The following FOXN3 variants were observed in gnomAD, a reference collection of about 807,000 sequenced individuals.
FOXN3 encodes the protein forkhead box protein N3.
In FOXN3, 7 loss-of-function variants were observed where a neutral mutation model predicts 38.4. That is an observed-to-expected ratio of 0.18 (90% CI 0.10 to 0.34). The LOEUF (loss-of-function observed/expected upper bound fraction) is 0.34, where lower values mean the gene tolerates loss of function less well. FOXN3 is among the 10% of genes least tolerant of loss of function. The pLI is 1.00. For missense variants in FOXN3, 456 were observed against 613.4 expected (o/e 0.74, Z 2.71); for synonymous variants, 230 against 242.2 (o/e 0.95, Z 0.47).
intron 3 of FOXN3, among the ~76,000 whole-genome samples, chr14:89,337,319 G>A (rs1231797346): frequency 6.6e-6 from 1 of 152,134 alleles, no homozygotes; most frequent in East Asian, 1.9e-4. Flanking sequence ...GGGAGGAGCC[G>A]GGCTTTGTTC....
intron 1 of FOXN3, among the ~76,000 whole-genome samples, chr14:89,466,852 G>A (rs1447188567): frequency 6.6e-6 from 1 of 152,136 alleles, no homozygotes; most frequent in Non-Finnish European, 1.5e-5. Context: ...TCAGGCCTAC[G>A]GCAAGGTGGG....
At chr14:89,611,438 G>C (rs1896384849) in intron 1 of FOXN3, among the ~76,000 whole-genome samples, 1 of 152,178 alleles carries the variant, frequency 6.6e-6, no homozygotes, top group African/African-American at 2.4e-5. Context: ...CTGGAATTAG[G>C]ACTTTTTATT....
At chr14:89,470,026 A>G (rs936365940) in intron 1 of FOXN3, among the ~76,000 whole-genome samples, 3 of 152,236 alleles carry the variant, frequency 2.0e-5, no homozygotes, top group Admixed American at 2.0e-4. Context: ...ACCCAAGCAC[A>G]CCAGAACCAA....
intron 4 of FOXN3, among the ~76,000 whole-genome samples, chr14:89,247,056 G>A (rs1263970404): frequency 6.6e-6 from 1 of 151,710 alleles, no homozygotes; most frequent in Non-Finnish European, 1.5e-5. Flanking sequence ...TAGTCAGTCT[G>A]TTGATCCATC....
chr14:89,503,104 A>G (rs2139791986), intron 1 of FOXN3, among the ~76,000 whole-genome samples: 1 of 152,336 alleles, frequency 6.6e-6, no homozygotes, highest in East Asian at 1.9e-4. Context: ...GAGAGGACAC[A>G]GCAGACACAG....
At chr14:89,518,324 T>C (rs572322777) in intron 1 of FOXN3, among the ~76,000 whole-genome samples, 2 of 152,326 alleles carry the variant, frequency 1.3e-5, no homozygotes, top group East Asian at 3.9e-4. Context: ...TATCTTTTTC[T>C]CTGATCAGCC....
At position 89,169,396 on chromosome 14, in the gene FOXN3, G is replaced by A. The variant is rs1373509065; in HGVS notation, c.852-6427C>T. Reference sequence around the variant, plus strand: ...GCTGAGGCTGCAGTGAGCTGTGTTCGTGCCACTGCACTCCAGCCTGGGCAA... The same window carrying A: ...GCTGAGGCTGCAGTGAGCTGTGTTCATGCCACTGCACTCCAGCCTGGGCAA... On this transcript the variant is annotated intron_variant, in intron 5 of 5. Coordinates refer to ENST00000557258, the MANE Select transcript of FOXN3 (RefSeq NM_005197.4). 4.6e-5 allele frequency among the ~76,000 whole-genome samples: 7 copies of A among 152,038 alleles called. No homozygotes were observed. In the East Asian group the frequency reaches 1.2e-3, roughly 25 times the overall value.
intron 1 of FOXN3, among the ~76,000 whole-genome samples, chr14:89,513,926 A>ACACGCACGCACACACGCACG (rs1894150217): frequency 2.7e-5 from 4 of 149,100 alleles, no homozygotes; most frequent in African/African-American, 9.9e-5. Context: ...ACACACACAC[A>ACACGCACGCACACACGCACG]CACGCACGCA....
At chr14:89,178,819 T>C (rs3783880) in intron 5 of FOXN3, among the ~76,000 whole-genome samples, 113,040 of 152,066 alleles carry the variant, frequency 0.74, 42,140 homozygotes, top group Non-Finnish European at 0.77. Context: ...TTCTATAAGG[T>C]ATGGCTGGGC....
intron 3 of FOXN3, among the ~76,000 whole-genome samples, chr14:89,298,558 C>CGACA (rs766171713): frequency 6.6e-6 from 1 of 150,528 alleles, no homozygotes; most frequent in Admixed American, 6.6e-5. Flanking sequence ...AACAGATAGA[C>CGACA]GACAGACAGA....
chr14:89,413,424 A>C (rs1178065311), intron 1 of FOXN3, among the ~76,000 whole-genome samples: 1 of 152,154 alleles, frequency 6.6e-6, no homozygotes, highest in South Asian at 2.1e-4. Flanking sequence ...ACTTGAGCCC[A>C]GGGGTTTGAG....
intron 3 of FOXN3, chr14:89,291,455 T>C: frequency 3.3e-6 from 2 of 609,346 alleles, no homozygotes; most frequent in Admixed American, 1.9e-5. Flanking sequence ...ATCAAAGGCT[T>C]CCACGGAGGG....
chr14:89,573,747 G>A (rs958424619), intron 1 of FOXN3, among the ~76,000 whole-genome samples: 9 of 152,206 alleles, frequency 5.9e-5, no homozygotes, highest in Admixed American at 5.9e-4. Context: ...CCATCAGAAT[G>A]TGCATGCTGT....
At chr14:89,606,503 C>G (rs754647498) in intron 1 of FOXN3, among the ~76,000 whole-genome samples, 19 of 152,138 alleles carry the variant, frequency 1.2e-4, no homozygotes, top group Non-Finnish European at 2.6e-4. Flanking sequence ...ACTTCTCACG[C>G]CTGAACATAT....
intron 5 of FOXN3, among the ~76,000 whole-genome samples, chr14:89,165,735 G>A (rs940135975): frequency 6.6e-6 from 1 of 152,212 alleles, no homozygotes; most frequent in African/African-American, 2.4e-5. Flanking sequence ...TAGAGCAAAC[G>A]AAAATGAAAG....
At chr14:89,329,778 C>A (rs1888184413) in intron 3 of FOXN3, among the ~76,000 whole-genome samples, 2 of 144,428 alleles carry the variant, frequency 1.4e-5, no homozygotes, top group South Asian at 4.4e-4. Flanking sequence ...ATGCTGTGAA[C>A]CCGGGAGGCG....
Position 89,539,969 on chromosome 14 carries a change from G to T in FOXN3, c.-15+79059C>A, listed in dbSNP as rs532892670. 3.9e-5 allele frequency among the ~76,000 whole-genome samples: 6 copies of T among 152,302 alleles called. No homozygotes were observed. In the East Asian group the frequency reaches 9.6e-4, roughly 24 times the overall value. On this transcript the variant is annotated intron_variant, in intron 1 of 6. Coordinates refer to the FOXN3 transcript ENST00000345097. ...TCTCAAGCCAGATTTTCAAGGAAAT[G>T]AGTTTAATATGAAATTACAAAAACA...
Position 89,323,237 on chromosome 14 carries a change from A to G in FOXN3, c.680+27435T>C, listed in dbSNP as rs373573275. ...CAGGAGGCAGAGGTTGCAGTGAGCT[A>G]AGATCACGCCACTGTACTCCAGCAT... On this transcript the variant is annotated intron_variant, in intron 3 of 5. Coordinates refer to ENST00000557258, the MANE Select transcript of FOXN3 (RefSeq NM_005197.4). 3.8e-3 allele frequency among the ~76,000 whole-genome samples: 576 copies of G among 150,852 alleles called. 7 individuals are homozygous for G. Among genetic ancestry groups the G allele is most frequent in the African/African-American group, 0.012 (493 of 40,970 alleles).
chr14:89,434,044 C>T (rs987417563), intron 1 of FOXN3, among the ~76,000 whole-genome samples: 4 of 150,668 alleles, frequency 2.7e-5, no homozygotes, highest in Admixed American at 6.6e-5. Flanking sequence ...CTGTCTCAGC[C>T]TCCAGAGTAG....
Sources: allele counts gnomAD v4.1 joint callset (sites outside exome capture counted in the v4.1 genomes callset), GRCh38; gene constraint gnomAD v4.1.1; transcripts MANE v1.5; gene names NCBI Gene and HGNC (gene_info 2026-07-23, HGNC 2026-07-21).